Variants in KLF8 observed in about 807,000 individuals in gnomAD.
KLF8 encodes the protein KLF transcription factor 8.
In KLF8, 10 loss-of-function variants were observed where a neutral mutation model predicts 18.2. The observed-to-expected ratio is 0.55, with a 90% CI of 0.34 to 0.93. KLF8 has a LOEUF of 0.93. Ranked by LOEUF, KLF8 falls within the 40% of genes least tolerant of loss-of-function variation. KLF8 has a pLI of 0.02. For missense variants in KLF8, 264 were observed against 277.9 expected, an observed-to-expected ratio of 0.95 and a Z score of 0.36; for synonymous variants, 109 against 97.3, an observed-to-expected ratio of 1.12 and a Z score of -0.71.
chrX:56,051,037 T>C, the KLF8 span, among the ~76,000 whole-genome samples: 1 of 110,102 alleles, frequency 9.1e-6, no homozygotes, highest in Non-Finnish European at 1.9e-5. Context: ...CTTCTTTGTC[T>C]CTTTTGATCT....
the KLF8 span, among the ~76,000 whole-genome samples, chrX:56,194,016 T>G: frequency 5.4e-5 from 6 of 112,032 alleles, no homozygotes; most frequent in Non-Finnish European, 1.1e-4. Context: ...ATGCTGTAGA[T>G]AGCTTATTTA....
chrX:56,015,532 A>G, the KLF8 span, among the ~76,000 whole-genome samples: 1 of 112,205 alleles, frequency 8.9e-6, no homozygotes, highest in African/African-American at 3.2e-5. Context: ...TACATTTTCT[A>G]TTAGGTCACT....
chrX:56,273,383 A>G (rs1174440699), intron 5 of KLF8, among the ~76,000 whole-genome samples: 2 of 110,158 alleles, frequency 1.8e-5, no homozygotes, highest in Middle Eastern at 4.7e-3. Flanking sequence ...TTTTTTTACT[A>G]TAATGAAGCT....
chrX:56,156,855 T>A, the KLF8 span, among the ~76,000 whole-genome samples: 6 of 106,904 alleles, frequency 5.6e-5, no homozygotes, highest in Admixed American at 6.2e-4. Flanking sequence ...CTGAGAATGA[T>A]GGTTTTGAGC....
the KLF8 span, among the ~76,000 whole-genome samples, chrX:55,992,407 T>C: frequency 2.7e-5 from 3 of 112,061 alleles, no homozygotes; most frequent in Non-Finnish European, 3.8e-5. Flanking sequence ...CAGATGACTG[T>C]AGGTATGTGG....
the KLF8 span, among the ~76,000 whole-genome samples, chrX:56,018,198 C>T: frequency 9.0e-6 from 1 of 111,201 alleles, no homozygotes; most frequent in African/African-American, 3.3e-5. Context: ...CCCCATTACC[C>T]TTCGCAGCCT....
At chrX:56,265,064 G>A (rs969099281) in intron 2 of KLF8, 116 bp from the exon 3 acceptor site, 2 of 908,192 alleles carry the variant, frequency 2.2e-6, no homozygotes, top group Non-Finnish European at 2.9e-6. Flanking sequence ...ATTTCTCCCA[G>A]CACCATGTAT....
At chrX:56,215,645 A>C in the KLF8 span, among the ~76,000 whole-genome samples, 1 of 107,347 alleles carries the variant, frequency 9.3e-6, no homozygotes, top group African/African-American at 3.4e-5. Context: ...CAACATGGTG[A>C]AACCCTGTAT....
the KLF8 span, among the ~76,000 whole-genome samples, chrX:56,139,862 A>C: frequency 1.8e-5 from 2 of 111,678 alleles, no homozygotes; most frequent in East Asian, 5.6e-4. Context: ...GGGAGAATAC[A>C]TTTGCAAATT....
the KLF8 span, among the ~76,000 whole-genome samples, chrX:55,935,936 A>G: frequency 1.8e-5 from 2 of 112,257 alleles, no homozygotes; most frequent in African/African-American, 6.5e-5. Context: ...AGGGTTATTC[A>G]CTGGCTTGAA....
At chrX:56,100,217 A>T in the KLF8 span, among the ~76,000 whole-genome samples, 6 of 111,169 alleles carry the variant, frequency 5.4e-5, no homozygotes, top group Non-Finnish European at 9.4e-5. Context: ...AGGAAGAACA[A>T]AGCCTGGATG....
chrX:55,979,603 G>A, the KLF8 span, among the ~76,000 whole-genome samples: 2 of 112,053 alleles, frequency 1.8e-5, no homozygotes, highest in African/African-American at 6.5e-5. Context: ...GGTATGGCCA[G>A]CTTTAATAAG....
the KLF8 span, among the ~76,000 whole-genome samples, chrX:55,911,740 A>C: frequency 8.9e-6 from 1 of 111,802 alleles, no homozygotes; most frequent in Non-Finnish European, 1.9e-5. Flanking sequence ...CAAAGTTTTA[A>C]CCCCTCTGTT....
the KLF8 span, among the ~76,000 whole-genome samples, chrX:56,109,634 A>C: frequency 9.0e-6 from 1 of 111,056 alleles, no homozygotes; most frequent in South Asian, 3.8e-4. Context: ...CTTTAATCCT[A>C]TCAGTGTTTG....
At position 56,289,635 on chromosome X, in the gene KLF8, T is replaced by A. The variant is rs1407609003; in HGVS notation, c.*5141T>A. Among the ~76,000 whole-genome samples the A allele has an allele frequency of 9.0e-6, 1 of 111,708 alleles. No homozygotes were observed. The highest frequency in any genetic ancestry group is 3.3e-5 in the African/African-American group (1 of 30,740). On this transcript the variant is annotated 3_prime_UTR_variant, in exon 6 of 6. Coordinates refer to ENST00000468660, the MANE Select transcript of KLF8 (RefSeq NM_007250.5). ...TTCTAGCTTCTTCCTGTTAGTTACA[T>A]GAAGCCTCCCACACTAATACTGAGA...
chrX:56,183,773 A>G, the KLF8 span, among the ~76,000 whole-genome samples: 2 of 112,050 alleles, frequency 1.8e-5, no homozygotes, highest in Non-Finnish European at 3.8e-5. Flanking sequence ...CAAATGACAA[A>G]ATGGCAAGGC....
At position 56,270,216 on chromosome X, in the gene KLF8, T is replaced by C; in HGVS notation, c.793T>C (p.Ser265Pro). Residue 265 changes from serine to proline, a missense_variant, in exon 5 of 6, where the codon TCG becomes CCG. This residue lies in a region of KLF8 where 43 missense variants were observed against 84.3 expected (regional missense o/e 0.51). Coordinates refer to ENST00000468660, the MANE Select transcript of KLF8 (RefSeq NM_007250.5). Reference protein sequence around the residue: ...AAMAQMQGEESLDLKRRRIHQ... With the variant: ...AAMAQMQGEEPLDLKRRRIHQ... Reference sequence around the variant, plus strand: ...AATGGCCCAAATGCAGGGAGAAGAGTCGCTTGACTTGAAGAGAAGACGGAT... The same window carrying C: ...AATGGCCCAAATGCAGGGAGAAGAGCCGCTTGACTTGAAGAGAAGACGGAT... 1 of 1,207,057 alleles carries C rather than the reference T, an allele frequency of 8.3e-7. No individual in the cohort carries two copies.
chrX:56,223,075 G>A, the KLF8 span, among the ~76,000 whole-genome samples: 1 of 113,235 alleles, frequency 8.8e-6, no homozygotes, highest in Admixed American at 9.2e-5. Context: ...CGCCAAGAGC[G>A]AGCCAGGGCT....
the KLF8 span, among the ~76,000 whole-genome samples, chrX:56,086,890 G>C: frequency 9.0e-6 from 1 of 111,517 alleles, no homozygotes; most frequent in African/African-American, 3.3e-5. Flanking sequence ...GAGCATTCTA[G>C]AATTCAGTGT....
Sources: allele counts gnomAD v4.1 joint callset (sites outside exome capture counted in the v4.1 genomes callset), GRCh38; gene constraint gnomAD v4.1.1; regional missense constraint gnomAD v4.1.1; transcripts MANE v1.5; gene names NCBI Gene and HGNC (gene_info 2026-07-23, HGNC 2026-07-21).